PRKN: variants seen among roughly 807,000 people sequenced by gnomAD.
PRKN encodes E3 ubiquitin-protein ligase parkin.
PRKN carries 56 observed loss-of-function variants against 59.5 expected under a neutral mutation model. That is an observed-to-expected ratio of 0.94 (90% CI 0.76 to 1.18). The LOEUF (loss-of-function observed/expected upper bound fraction) is 1.18, where lower values mean the gene tolerates loss of function less well. Ranked by LOEUF, PRKN falls within the 50% of genes most tolerant of loss-of-function variation. The probability of loss-of-function intolerance (pLI) is 0.00; values close to 1 mark genes in which losing one functional copy is unlikely to be tolerated. For missense variants in PRKN, 657 were observed against 596.4 expected (o/e 1.10, Z -1.06); for synonymous variants, 250 against 222.1 (o/e 1.13, Z -1.12).
intron 3 of PRKN, among the ~76,000 whole-genome samples, chr6:162,206,295 A>G (rs1307481735): frequency 6.6e-6 from 1 of 152,120 alleles, no homozygotes; most frequent in Non-Finnish European, 1.5e-5. Flanking sequence ...TTCCATTATC[A>G]TATGATATTT....
chr6:162,016,851 C>A (rs1354684125), intron 5 of PRKN, among the ~76,000 whole-genome samples: 1 of 152,108 alleles, frequency 6.6e-6, no homozygotes, highest in Non-Finnish European at 1.5e-5. Flanking sequence ...CCTTCTGCAT[C>A]TGATGCTTTC....
At chr6:161,750,805 G>A (rs987637069) in intron 7 of PRKN, among the ~76,000 whole-genome samples, 2 of 151,448 alleles carry the variant, frequency 1.3e-5, no homozygotes, top group East Asian at 2.0e-4. Flanking sequence ...TTCTGTCCAC[G>A]GAATTGATTT....
At chr6:162,586,078 T>C (rs184405848) in intron 1 of PRKN, among the ~76,000 whole-genome samples, 31 of 152,252 alleles carry the variant, frequency 2.0e-4, no homozygotes, top group Admixed American at 1.2e-3. Context: ...TGGGTTTCCA[T>C]AGGATAAGTA....
intron 3 of PRKN, among the ~76,000 whole-genome samples, chr6:162,213,661 G>C (rs897912326): frequency 6.6e-6 from 1 of 152,070 alleles, no homozygotes; most frequent in Non-Finnish European, 1.5e-5. Flanking sequence ...CTTGAGCCTG[G>C]GAGGTCAAGG....
chr6:162,184,432 T>C (rs2128324105), intron 4 of PRKN, among the ~76,000 whole-genome samples: 1 of 152,296 alleles, frequency 6.6e-6, no homozygotes, highest in East Asian at 1.9e-4. Flanking sequence ...GGGAGGTAAC[T>C]GAATCATGTG....
intron 3 of PRKN, among the ~76,000 whole-genome samples, chr6:162,240,557 T>C (rs1342685904): frequency 6.6e-6 from 1 of 152,166 alleles, no homozygotes; most frequent in African/African-American, 2.4e-5. Context: ...GAGAAGCATA[T>C]TTAATAAATA....
intron 6 of PRKN, among the ~76,000 whole-genome samples, chr6:161,819,603 C>T (rs2128215762): frequency 6.6e-6 from 1 of 152,182 alleles, no homozygotes. Flanking sequence ...CAATCAAATT[C>T]CCAAATTAAA....
chr6:162,727,564 G>T, intron 1 of PRKN, 98 bp downstream of exon 1: 1 of 1,313,590 alleles, frequency 7.6e-7, no homozygotes, highest in Non-Finnish European at 1.1e-6. Flanking sequence ...GTCATTGACA[G>T]TTGGCACCGG....
At chr6:162,348,757 G>A (rs1387383439) in intron 2 of PRKN, among the ~76,000 whole-genome samples, 1 of 152,048 alleles carries the variant, frequency 6.6e-6, no homozygotes, top group Non-Finnish European at 1.5e-5. Flanking sequence ...TTGGTCTACA[G>A]ACTGTAATTT....
chr6:161,606,592 T>A (rs923109520), intron 7 of PRKN, among the ~76,000 whole-genome samples: 1 of 152,104 alleles, frequency 6.6e-6, no homozygotes, highest in African/African-American at 2.4e-5. Flanking sequence ...AAGAGAGATG[T>A]TAATCAAATC....
intron 9 of PRKN, among the ~76,000 whole-genome samples, chr6:161,387,160 T>C (rs557839379): frequency 6.6e-6 from 1 of 152,212 alleles, no homozygotes; most frequent in East Asian, 1.9e-4. Context: ...TGATATGGTT[T>C]GGCTGTGTCC....
chr6:161,787,909 C>T (rs1790488341), intron 6 of PRKN, among the ~76,000 whole-genome samples: 1 of 152,240 alleles, frequency 6.6e-6, no homozygotes, highest in African/African-American at 2.4e-5. Context: ...CACTGCACTC[C>T]AGCCTGGGCT....
At chr6:161,816,880 AG>A (rs1791805941) in intron 6 of PRKN, among the ~76,000 whole-genome samples, 1 of 152,182 alleles carries the variant, frequency 6.6e-6, no homozygotes, top group African/African-American at 2.4e-5. Context: ...CAAAGAGAAC[AG>A]GGTTCAGTAT....
chr6:161,438,215 ATTTTTT>A (rs34955373), intron 9 of PRKN, among the ~76,000 whole-genome samples: 10 of 112,440 alleles, frequency 8.9e-5, no homozygotes, highest in South Asian at 2.9e-4. Flanking sequence ...AATTCTGTTA[ATTTTTT>A]TTTTTTTTTT....
chr6:161,405,860 T>C lies in PRKN; in HGVS notation c.1084-18983A>G, dbSNP rs1787248411. 6.6e-6 allele frequency among the ~76,000 whole-genome samples: 1 copy of C among 152,064 alleles called. No homozygotes were observed. Among genetic ancestry groups the C allele is most frequent in the African/African-American group, 2.4e-5 (1 of 41,414 alleles). ...CCAATTTGGCAGTCCAAATAGATTT[T>C]TCTTTTAAAGTAGACTTTTGCTCCC... On this transcript the variant is annotated intron_variant, in intron 9 of 11. Transcript: ENST00000366898. This position sits in a 1 kb window ranked among gnomAD's most constrained non-coding sequence, Gnocchi z 5.1.
At chr6:162,054,016 T>C in intron 5 of PRKN, 75 bp downstream of exon 5, 1 of 965,744 alleles carries the variant, frequency 1.0e-6, no homozygotes, top group East Asian at 2.4e-5. Context: ...ACATTTTGTC[T>C]CTAATTTCCT....
At chr6:161,785,036 TATAGGAAATACCTACA>T (rs1268413472) in intron 7 of PRKN, among the ~76,000 whole-genome samples, 2 of 152,224 alleles carry the variant, frequency 1.3e-5, no homozygotes, top group Non-Finnish European at 2.9e-5. Context: ...CGATTTCTTT[TATAGGAAATACCTACA>T]ATAGGCAAAT....
intron 8 of PRKN, among the ~76,000 whole-genome samples, chr6:161,565,433 C>G (rs1780604694): frequency 6.6e-6 from 1 of 152,110 alleles, no homozygotes; most frequent in African/African-American, 2.4e-5. Context: ...CCATAATGCC[C>G]ACACGTCAAG....
intron 7 of PRKN, among the ~76,000 whole-genome samples, chr6:161,728,243 A>AG (rs1055300886): frequency 7.5e-6 from 1 of 134,148 alleles, no homozygotes; most frequent in African/African-American, 4.1e-5. Context: ...CCAAAATGTG[A>AG]GAAAAAAAAA....
Sources: gnomAD v4.1 joint callset for allele counts (sites outside exome capture counted in the v4.1 genomes callset) on GRCh38, gnomAD v4.1.1 for gene constraint, Gnocchi (gnomAD v3.1) non-coding constraint, MANE v1.5 for transcripts, NCBI Gene and HGNC (gene_info 2026-07-23, HGNC 2026-07-21) for gene names.